The following ADGRD2 variants were observed in gnomAD, a reference collection of about 807,000 sequenced individuals.
ADGRD2 encodes the protein G protein-coupled receptor PGR24.
In ADGRD2, 71 loss-of-function variants were observed where a neutral mutation model predicts 44.4. The observed-to-expected ratio is 1.60, with a 90% CI of 1.32 to 1.95. The LOEUF (loss-of-function observed/expected upper bound fraction) is 1.95, where lower values mean the gene tolerates loss of function less well. Ranked by LOEUF, ADGRD2 falls within the 30% of genes most tolerant of loss-of-function variation. ADGRD2 has a pLI of 0.00. For synonymous variants in ADGRD2, 481 were observed against 224.8 expected (o/e 2.14, Z -10.19); for missense variants, 1,039 against 512.4 (o/e 2.03, Z -9.92).
chr9:124,458,129 C>T (rs375577630), exon 9 of ADGRD2: 6 of 718,346 alleles, frequency 8.4e-6, no homozygotes, highest in South Asian at 4.4e-5. Context: ...CTGGAGTCAC[C>T]GTGATCCACA....
chr9:124,452,820 G>A (rs1831514635), intron 2 of ADGRD2, 98 bp downstream of exon 5: 3 of 639,766 alleles, frequency 4.7e-6, no homozygotes, highest in Non-Finnish European at 8.5e-6. Flanking sequence ...GAATGAGCCG[G>A]GAGTAAGACC....
Position 124,454,797 on chromosome 9 carries a change from C to A in ADGRD2, c.1109-46C>A. The A allele has an allele frequency of 1.6e-6, 1 of 639,068 alleles. No homozygotes were observed. Among genetic ancestry groups the A allele is most frequent in the South Asian group, 1.7e-5 (1 of 57,792 alleles). The allele number at this position is 639,068 out of a possible 1,614,324, so 39.6% of individuals were successfully genotyped here. The stretch of plus-strand genomic sequence containing the variant: ...CCCAAGTGTGGCCCTTGGGGGGATC[C>A]CCTCATAACAACCAGACCCAGAGTC... On this transcript the variant is annotated intron_variant, in intron 5 of 21. Transcript: ENST00000334810. The surrounding 1 kb of genome is among the most constrained non-coding windows in gnomAD (Gnocchi z 4.5).
chr9:124,456,706 C>G (rs1410559535), exon 7 of ADGRD2: 3 of 712,020 alleles, frequency 4.2e-6, no homozygotes, highest in Non-Finnish European at 7.8e-6. Flanking sequence ...AGAGCGGCCC[C>G]GAATGCGCAT....
rs551843189 is a variant in ADGRD2 at position 124,473,986 on chromosome 9, TCAGAC to T, written c.2759-1459_2759-1455del. On this transcript the variant is annotated intron_variant, in intron 17 of 21. Coordinates refer to ENST00000334810, the Ensembl canonical transcript of ADGRD2. ...GGTCCTCAAAGCTGTTGTAAAGAGCTCAGACTTGGCCAGGTGTGGTGGCTCACGCC... is the reference window on the plus strand; with the variant it reads ...GGTCCTCAAAGCTGTTGTAAAGAGCTTTGGCCAGGTGTGGTGGCTCACGCC... Among the ~76,000 whole-genome samples, 88 of 152,094 alleles carry T rather than the reference TCAGAC, an allele frequency of 5.8e-4. 1 individual carries two copies. In the South Asian group the frequency reaches 0.018, roughly 31 times the overall value.
intron 2 of ADGRD2, 94 bp from the exon 6 acceptor site, chr9:124,452,941 A>C: frequency 1.7e-6 from 1 of 604,854 alleles, no homozygotes; most frequent in Non-Finnish European, 2.9e-6. Context: ...GGCATCCCAA[A>C]GCCTGGAAGG....
Position 124,478,262 on chromosome 9 carries a change from G to A in ADGRD2, c.*19-19G>A, listed in dbSNP as rs1161115674. On this transcript the variant is annotated intron_variant, in intron 21 of 21. Coordinates refer to ENST00000334810, the Ensembl canonical transcript of ADGRD2. ...GGATCCTCTGCCAGCCCAGCCCCAA[G>A]GGCGCACTTTCCCACCAGGTTTCTA... 6.6e-6 allele frequency: 1 copy of A among 152,654 alleles called. No homozygotes were observed. The highest frequency in any genetic ancestry group is 2.4e-5 in the African/African-American group (1 of 41,454). The allele number at this position is 152,654 out of a possible 1,614,324, so 9.5% of individuals were successfully genotyped here.
At chr9:124,478,126 A>G (rs1421119261) in intron 21 of ADGRD2, among the ~76,000 whole-genome samples, 155 bp from the exon 25 acceptor site, 9 of 152,182 alleles carry the variant, frequency 5.9e-5, no homozygotes, top group Admixed American at 2.6e-4. Flanking sequence ...CGGAGCCCTC[A>G]GGGCATGCGG....
intron 10 of ADGRD2, among the ~76,000 whole-genome samples, chr9:124,460,107 CACA>C (rs1831699110): frequency 6.7e-6 from 1 of 149,844 alleles, no homozygotes; most frequent in African/African-American, 2.5e-5. Flanking sequence ...CACACACACA[CACA>C]CCAACCACAG....
chr9:124,463,605 G>T (rs2131244213), intron 10 of ADGRD2, among the ~76,000 whole-genome samples: 1 of 152,210 alleles, frequency 6.6e-6, no homozygotes, highest in Non-Finnish European at 1.5e-5. Context: ...TTAATTGTGT[G>T]TTCTGTTTCT....
Position 124,470,264 on chromosome 9 carries a change from C to T in ADGRD2, c.2638-230C>T, listed in dbSNP as rs561428705. ...TCCAGCCAGGTTGGGGGCTGGGACCCCATCTCCCAAGTGCCGCTACCCTAC... is the reference window on the plus strand; with the variant it reads ...TCCAGCCAGGTTGGGGGCTGGGACCTCATCTCCCAAGTGCCGCTACCCTAC... On this transcript the variant is annotated intron_variant, in intron 16 of 21. Transcript: ENST00000334810. Among the ~76,000 whole-genome samples, 68 of 152,330 alleles carry T rather than the reference C, an allele frequency of 4.5e-4. 1 individual carries two copies. In the South Asian group the frequency reaches 0.012, roughly 27 times the overall value.
At chr9:124,472,303 C>A (rs116146814) in intron 17 of ADGRD2, among the ~76,000 whole-genome samples, 215 of 152,252 alleles carry the variant, frequency 1.4e-3, no homozygotes, top group African/African-American at 5.0e-3. Context: ...CTGTCACTGT[C>A]CCCCTCTCCC....
intron 10 of ADGRD2, among the ~76,000 whole-genome samples, chr9:124,459,243 G>A (rs1329695953): frequency 6.6e-6 from 1 of 152,206 alleles, no homozygotes; most frequent in Non-Finnish European, 1.5e-5. Context: ...TGTAATCCCA[G>A]CACTTTGGGA....
Position 124,456,812 on chromosome 9 carries a change from T to G in ADGRD2, c.1505+79T>G, listed in dbSNP as rs898762530. 15 of 695,026 alleles carry G rather than the reference T, an allele frequency of 2.2e-5. No homozygotes were observed. The African/African-American group carries it at 2.4e-4, about 11-fold the overall frequency. 43.1% of individuals were successfully genotyped at this position (695,026 alleles called of 1,614,324 possible). On this transcript the variant is annotated intron_variant, in intron 7 of 21. Coordinates refer to ENST00000334810, the Ensembl canonical transcript of ADGRD2. ...CCTGGTGACTGGGAGCTGTCTGAACTTCCACAGACACTCCATTCTATTTCC... is the reference window on the plus strand; with the variant it reads ...CCTGGTGACTGGGAGCTGTCTGAACGTCCACAGACACTCCATTCTATTTCC...
upstream of ADGRD2, chr9:124,451,963 G>C (rs1831480479): frequency 1.2e-5 from 8 of 661,498 alleles, no homozygotes; most frequent in Non-Finnish European, 1.9e-5. Flanking sequence ...TTTGAATCCA[G>C]GTCTGACTGC....
chr9:124,465,112 C>A (rs115058094), intron 10 of ADGRD2: 1 of 153,142 alleles, frequency 6.5e-6, no homozygotes, highest in Non-Finnish European at 1.5e-5. Flanking sequence ...CCCTCTGCCC[C>A]TTCACCTGTG....
rs1468345223 is a variant in ADGRD2 at position 124,453,602 on chromosome 9, TC to T, written c.851del (p.Arg285AlafsTer134). On this transcript the variant is annotated frameshift_variant, in exon 3 of 22. Transcript: ENST00000334810. LOFTEE classifies it high-confidence loss of function. ...GCGCCGCCCTCAGAGGGCCTGCTCT[TC>T]CGCTGGGACCCGGGCGCCCTGGACG... is the stretch of plus-strand genomic sequence containing the variant. 2 of 700,932 alleles carry T rather than the reference TC, an allele frequency of 2.9e-6. No homozygotes were observed. Among genetic ancestry groups the T allele is most frequent in the Admixed American group, 4.0e-5 (2 of 49,802 alleles). The allele number at this position is 700,932 out of a possible 1,614,324, so 43.4% of individuals were successfully genotyped here. A position where few individuals can be genotyped will look rare whatever the true frequency, so the allele number is the denominator to read the frequency against.
intron 17 of ADGRD2, among the ~76,000 whole-genome samples, chr9:124,472,656 G>A (rs1831971532): frequency 1.3e-5 from 2 of 152,054 alleles, no homozygotes; most frequent in Non-Finnish European, 1.5e-5. Flanking sequence ...ACAGGCACCT[G>A]CCACCACGCC....
chr9:124,452,302 T>C, intron 1 of ADGRD2, 148 bp downstream of exon 4: 1 of 635,894 alleles, frequency 1.6e-6, no homozygotes, highest in South Asian at 1.9e-5. Context: ...CGAGGAACGC[T>C]TCACTGGTTT....
At chr9:124,453,243 G>A (rs1326227504) in exon 3 of ADGRD2, 6 of 564,834 alleles carry the variant, frequency 1.1e-5, no homozygotes, top group South Asian at 8.5e-5. Context: ...CCGAGCCGGG[G>A]GGCGTCGTGC....
Sources: gnomAD v4.1 joint callset for allele counts (sites outside exome capture counted in the v4.1 genomes callset) on GRCh38, gnomAD v4.1.1 for gene constraint, Gnocchi (gnomAD v3.1) non-coding constraint, MANE v1.5 for transcripts, NCBI Gene and HGNC (gene_info 2026-07-23, HGNC 2026-07-21) for gene names.